RSPO2: variants seen among roughly 807,000 people sequenced by gnomAD.
RSPO2 encodes the protein R-spondin-2.
In RSPO2, 14 loss-of-function variants were observed where a neutral mutation model predicts 30.9. That is an observed-to-expected ratio of 0.45 (90% CI 0.30 to 0.71). The LOEUF (loss-of-function observed/expected upper bound fraction) is 0.71, where lower values mean the gene tolerates loss of function less well. Among genes scored for constraint, RSPO2 ranks in the 30% least tolerant of loss-of-function variants. The pLI is 0.08. For synonymous variants in RSPO2, 107 were observed against 96.4 expected (o/e 1.11, Z -0.64); for missense variants, 264 against 301.9 (o/e 0.87, Z 0.93).
chr8:108,082,449 C>T (rs890478819), intron 2 of RSPO2, 96 bp downstream of exon 2: 17 of 907,416 alleles, frequency 1.9e-5, no homozygotes, highest in Non-Finnish European at 2.5e-5. Flanking sequence ...AGAGCACAGC[C>T]CTGACCATCT....
At chr8:107,950,014 C>T (rs932332095) in intron 5 of RSPO2, among the ~76,000 whole-genome samples, 1 of 152,150 alleles carries the variant, frequency 6.6e-6, no homozygotes, top group Non-Finnish European at 1.5e-5. Flanking sequence ...GTGACGACAT[C>T]GTCCACCATG....
chr8:108,055,035 C>G (rs1173476463), intron 2 of RSPO2, among the ~76,000 whole-genome samples: 1 of 152,052 alleles, frequency 6.6e-6, no homozygotes. Context: ...GTGGGAGGAT[C>G]GCTTGAGCCC....
At chr8:107,997,398 G>A (rs1815066072) in intron 2 of RSPO2, 1 of 152,272 alleles carries the variant, frequency 6.6e-6, no homozygotes, top group Non-Finnish European at 1.5e-5. Flanking sequence ...ATGTTTATTT[G>A]CTCTCTGTGA....
At chr8:107,950,685 G>A (rs1813212713) in intron 5 of RSPO2, among the ~76,000 whole-genome samples, 1 of 150,418 alleles carries the variant, frequency 6.6e-6, no homozygotes, top group Admixed American at 6.6e-5. Context: ...TTAGGTCTGA[G>A]TATCATATCA....
chr8:108,032,403 G>GGTACATTAATGTACCAGAT (rs1190978856), intron 2 of RSPO2, among the ~76,000 whole-genome samples: 1 of 151,986 alleles, frequency 6.6e-6, no homozygotes, highest in African/African-American at 2.4e-5. Flanking sequence ...TACAGTTTCT[G>GGTACATTAATGTACCAGAT]GTACATTAAT....
chr8:107,979,603 C>A (rs1814350554), intron 3 of RSPO2, among the ~76,000 whole-genome samples: 1 of 151,696 alleles, frequency 6.6e-6, no homozygotes, highest in African/African-American at 2.4e-5. Flanking sequence ...GGGTGCAGCA[C>A]AACATGGCAC....
At chr8:107,997,968 G>A (rs763540819) in intron 2 of RSPO2, among the ~76,000 whole-genome samples, 17 of 152,168 alleles carry the variant, frequency 1.1e-4, no homozygotes, top group Non-Finnish European at 2.2e-4. Context: ...TTCCTTCTAG[G>A]TGAAGGCATC....
intron 5 of RSPO2, among the ~76,000 whole-genome samples, chr8:107,930,168 C>T (rs866843090): frequency 1.9e-4 from 29 of 152,060 alleles, no homozygotes; most frequent in Admixed American, 1.3e-3. Flanking sequence ...CAAGTTTTGA[C>T]ATAGGTATTA....
chr8:107,904,124 G>A (rs929887837), intron 5 of RSPO2, among the ~76,000 whole-genome samples: 2 of 151,896 alleles, frequency 1.3e-5, no homozygotes, highest in African/African-American at 4.8e-5. Flanking sequence ...ACATACAAAC[G>A]TGCTAATTTC....
chr8:107,947,681 C>T (rs1813109627), intron 5 of RSPO2, among the ~76,000 whole-genome samples: 1 of 152,202 alleles, frequency 6.6e-6, no homozygotes, highest in South Asian at 2.1e-4. Flanking sequence ...CTCTTCCTAA[C>T]ACTTTAGCAA....
At chr8:108,051,657 A>C (rs1397351571) in intron 2 of RSPO2, among the ~76,000 whole-genome samples, 1 of 152,180 alleles carries the variant, frequency 6.6e-6, no homozygotes. Flanking sequence ...GTAAATAAAC[A>C]CAGACAGTGA....
At chr8:108,049,038 T>C (rs1316713683) in intron 2 of RSPO2, among the ~76,000 whole-genome samples, 1 of 152,108 alleles carries the variant, frequency 6.6e-6, no homozygotes, top group Non-Finnish European at 1.5e-5. Context: ...GAGAGACAGT[T>C]TGTTGTGATT....
intron 3 of RSPO2, among the ~76,000 whole-genome samples, chr8:107,978,393 C>T (rs999671285): frequency 1.3e-5 from 2 of 152,140 alleles, no homozygotes; most frequent in Non-Finnish European, 2.9e-5. Context: ...TGCCATTGCA[C>T]TCTAGCCTGG....
intron 2 of RSPO2, among the ~76,000 whole-genome samples, chr8:108,062,770 C>T (rs964440073): frequency 6.6e-6 from 1 of 151,658 alleles, no homozygotes; most frequent in African/African-American, 2.4e-5. Flanking sequence ...AACATTGATG[C>T]AAAAATCCTC....
intron 3 of RSPO2, among the ~76,000 whole-genome samples, chr8:107,971,596 G>T (rs1353949331): frequency 6.6e-6 from 1 of 152,128 alleles, no homozygotes; most frequent in Admixed American, 6.5e-5. Context: ...TACTGAAGTT[G>T]TTAATATCAT....
chr8:108,027,984 G>A (rs1017767330), intron 2 of RSPO2, among the ~76,000 whole-genome samples: 1 of 152,072 alleles, frequency 6.6e-6, no homozygotes, highest in Non-Finnish European at 1.5e-5. Context: ...TCAGGGTGTG[G>A]TAACTTTGAC....
intron 2 of RSPO2, among the ~76,000 whole-genome samples, chr8:107,993,730 G>A (rs542887531): frequency 1.3e-5 from 2 of 152,116 alleles, no homozygotes; most frequent in African/African-American, 2.4e-5. Flanking sequence ...TCCCAATATC[G>A]TATCAGCAGG....
At chr8:108,020,962 T>C (rs73321413) in intron 2 of RSPO2, among the ~76,000 whole-genome samples, 13,972 of 152,256 alleles carry the variant, frequency 0.092, 1,172 homozygotes, top group African/African-American at 0.22. Context: ...GTGTCAAATA[T>C]AGACATTTGC....
rs185453315 is a variant in RSPO2, at chr8:107,989,615, T to C, written c.95-371A>G. The C allele has an allele frequency of 1.8e-5, 3 of 166,720 alleles. 1 individual carries two copies. In the Admixed American group the frequency reaches 1.9e-4, roughly 11 times the overall value. The allele number at this position is 166,720 out of a possible 1,614,324, so 10.3% of individuals were successfully genotyped here. ...TGTAGATGGAGTAAATGGGGCTGTT[T>C]GTCCATGACCCCCTGCCCTAACTGG... On this transcript the variant is annotated intron_variant, in intron 2 of 5. Transcript: ENST00000276659.
Sources: gnomAD v4.1 joint callset for allele counts (sites outside exome capture counted in the v4.1 genomes callset) on GRCh38, gnomAD v4.1.1 for gene constraint, MANE v1.5 for transcripts, NCBI Gene and HGNC (gene_info 2026-07-23, HGNC 2026-07-21) for gene names.